ELFN1: variants seen among roughly 807,000 people sequenced by gnomAD.
ELFN1 encodes protein ELFN1.
Under a neutral mutation model 7.6 loss-of-function variants are expected in ELFN1, and 6 were observed. The ratio of observed to expected loss-of-function variants is 0.79; its 90% CI spans 0.43 to 1.56. The LOEUF is 1.56. Among genes scored for constraint, ELFN1 ranks in the 40% most tolerant of loss-of-function variants. The pLI is 0.01. For missense variants in ELFN1, 1,169 were observed against 1,232.2 expected, an observed-to-expected ratio of 0.95 and a Z score of 0.77; for synonymous variants, 657 against 588.1, an observed-to-expected ratio of 1.12 and a Z score of -1.70.
chr7:1,696,802 A>G (rs1338767291), intron 2 of ELFN1, among the ~76,000 whole-genome samples: 4 of 152,050 alleles, frequency 2.6e-5, no homozygotes, highest in African/African-American at 9.7e-5. Context: ...GCCTCCTCTC[A>G]TCAGCCGGGG....
chr7:1,734,051 C>G (rs118126874), intron 3 of ELFN1, among the ~76,000 whole-genome samples: 1 of 152,242 alleles, frequency 6.6e-6, no homozygotes, highest in Non-Finnish European at 1.5e-5. Flanking sequence ...GAACCAGCAC[C>G]TGTCTGCCTT....
intron 3 of ELFN1, among the ~76,000 whole-genome samples, chr7:1,722,248 G>A (rs1780045012): frequency 6.7e-6 from 1 of 150,284 alleles, no homozygotes; most frequent in Non-Finnish European, 1.5e-5. Context: ...CTCACAGCTA[G>A]CCCAATTTAG....
intron 1 of ELFN1, among the ~76,000 whole-genome samples, chr7:1,677,152 T>C (rs1042311597): frequency 2.0e-5 from 3 of 152,348 alleles, no homozygotes; most frequent in Admixed American, 6.5e-5. Context: ...TTATATTCAT[T>C]AGGAAATGAG....
upstream of ELFN1, among the ~76,000 whole-genome samples, chr7:1,666,484 T>A (rs1778673015): frequency 6.6e-6 from 1 of 151,706 alleles, no homozygotes. The surrounding 1 kb of genome is among the most constrained non-coding windows in gnomAD (Gnocchi z 7.9). Context: ...GCACCCGAAG[T>A]TAGCGGCCGC....
intron 2 of ELFN1, among the ~76,000 whole-genome samples, chr7:1,706,680 A>G (rs1471283979): frequency 2.6e-5 from 4 of 152,234 alleles, no homozygotes; most frequent in African/African-American, 7.2e-5. Flanking sequence ...TGCAAGGACC[A>G]CTGTGAGGTT....
intron 3 of ELFN1, among the ~76,000 whole-genome samples, chr7:1,714,002 G>A (rs751617450): frequency 6.6e-6 from 1 of 152,120 alleles, no homozygotes; most frequent in African/African-American, 2.4e-5. Flanking sequence ...CAAACAGCAC[G>A]AGCTAATCAG....
At chr7:1,730,208 A>G (rs1373098290) in intron 3 of ELFN1, among the ~76,000 whole-genome samples, 2 of 152,254 alleles carry the variant, frequency 1.3e-5, no homozygotes, top group African/African-American at 4.8e-5. Flanking sequence ...GAAAATGATC[A>G]TTCACTTTAC....
rs1432622466 is a variant in ELFN1 at position 1,745,557 on chromosome 7, G to A, written c.961G>A (p.Val321Ile). The A allele has an allele frequency of 3.2e-6, 5 of 1,549,814 alleles. No homozygotes were observed. The African/African-American group carries it at 5.5e-5, about 17-fold the overall frequency. ...GGCCGAGGCCCGCCCCCTCATCAAG[G>A]TCAAGCAGCTCACTCAGAACTCGGC... ...TQAEARPLIK[V>I]KQLTQNSATI... is the part of the protein sequence containing the mutation. The change falls in exon 4 of 4, where the codon GTC (valine) becomes ATC (isoleucine). Residue 321 changes from valine to isoleucine, a missense_variant. This residue lies in a region of ELFN1 where 914 missense variants were observed against 872.6 expected (regional missense o/e 1.05). Coordinates refer to ENST00000424383, the MANE Select transcript of ELFN1 (RefSeq NM_001128636.4).
intron 1 of ELFN1, among the ~76,000 whole-genome samples, chr7:1,679,474 C>T (rs1436577383): frequency 6.6e-6 from 1 of 152,162 alleles, no homozygotes; most frequent in African/African-American, 2.4e-5. Context: ...GGGTCCCCTG[C>T]AGGTTGCTGG....
chr7:1,679,820 G>A (rs530159500), intron 1 of ELFN1, among the ~76,000 whole-genome samples: 10 of 152,310 alleles, frequency 6.6e-5, no homozygotes, highest in South Asian at 4.1e-4. Context: ...TGGCCATTGC[G>A]GGCGTGGTGT....
chr7:1,697,456 G>A (rs116255889), intron 2 of ELFN1, among the ~76,000 whole-genome samples: 3 of 152,218 alleles, frequency 2.0e-5, no homozygotes, highest in Non-Finnish European at 2.9e-5. Context: ...GAGCACCGCT[G>A]GGTTGACCCT....
intron 3 of ELFN1, among the ~76,000 whole-genome samples, chr7:1,714,042 C>G (rs999991656): frequency 6.6e-6 from 1 of 152,224 alleles, no homozygotes; most frequent in East Asian, 1.9e-4. Context: ...CCCGAGTCCC[C>G]GCATTTGAAG....
chr7:1,712,833 C>T (rs757149963), intron 3 of ELFN1, among the ~76,000 whole-genome samples: 1 of 152,224 alleles, frequency 6.6e-6, no homozygotes. Flanking sequence ...TCTTTTATCT[C>T]TTATCTTTTA....
chr7:1,707,926 C>CG (rs1187764387), intron 2 of ELFN1, among the ~76,000 whole-genome samples: 1 of 152,144 alleles, frequency 6.6e-6, no homozygotes. Flanking sequence ...ACAGACAGAC[C>CG]GGGGGGCCCC....
At chr7:1,677,700 A>G (rs1409349655) in intron 1 of ELFN1, among the ~76,000 whole-genome samples, 1 of 152,016 alleles carries the variant, frequency 6.6e-6, no homozygotes, top group Non-Finnish European at 1.5e-5. Context: ...ATGTGGGTTC[A>G]TGAATGATCG....
At chr7:1,679,899 G>T (rs1778943384) in intron 1 of ELFN1, among the ~76,000 whole-genome samples, 1 of 152,224 alleles carries the variant, frequency 6.6e-6, no homozygotes, top group Non-Finnish European at 1.5e-5. Context: ...CAGGGCCCTG[G>T]CACCCAGATC....
chr7:1,686,813 G>A (rs1779069657), intron 1 of ELFN1, among the ~76,000 whole-genome samples: 2 of 152,008 alleles, frequency 1.3e-5, no homozygotes, highest in South Asian at 4.2e-4. Context: ...CCCATCCACT[G>A]GGCACATGTG....
chr7:1,737,798 C>T (rs1780491673), intron 3 of ELFN1, among the ~76,000 whole-genome samples: 1 of 152,172 alleles, frequency 6.6e-6, no homozygotes, highest in African/African-American at 2.4e-5. Flanking sequence ...GCCCCTTCTC[C>T]ACCCTCCAGA....
chr7:1,718,799 T>C (rs970828384), intron 3 of ELFN1, among the ~76,000 whole-genome samples: 2 of 152,038 alleles, frequency 1.3e-5, no homozygotes, highest in Non-Finnish European at 2.9e-5. Context: ...TTGTTCAGAT[T>C]CCCTCTCGCC....
Sources: allele counts gnomAD v4.1 joint callset (sites outside exome capture counted in the v4.1 genomes callset), GRCh38; gene constraint gnomAD v4.1.1; regional missense constraint gnomAD v4.1.1; non-coding constraint Gnocchi (gnomAD v3.1); transcripts MANE v1.5; gene names NCBI Gene and HGNC (gene_info 2026-07-23, HGNC 2026-07-21).